The following UBAC2 variants were observed in gnomAD, a reference collection of about 807,000 sequenced individuals.
The protein encoded by UBAC2 is UBA domain containing 2.
Under a neutral mutation model 44.0 loss-of-function variants are expected in UBAC2, and 26 were observed. That is an observed-to-expected ratio of 0.59 (90% CI 0.43 to 0.82). The LOEUF (loss-of-function observed/expected upper bound fraction) is 0.82. Ranked by LOEUF, UBAC2 falls within the 40% of genes least tolerant of loss-of-function variation. The pLI is 0.00. For synonymous variants in UBAC2, 155 were observed against 154.3 expected (o/e 1.00, Z -0.04); for missense variants, 329 against 419.4 (o/e 0.78, Z 1.88).
intron 4 of UBAC2, among the ~76,000 whole-genome samples, chr13:99,265,015 A>G (rs2043723275): frequency 1.4e-5 from 2 of 146,408 alleles, no homozygotes. Flanking sequence ...GTTTTTTACC[A>G]TATTTTAAAT....
chr13:99,325,961 T>A (rs1047049070), intron 6 of UBAC2, among the ~76,000 whole-genome samples: 1 of 152,216 alleles, frequency 6.6e-6, no homozygotes, highest in Non-Finnish European at 1.5e-5. Flanking sequence ...CTTAGGTTGT[T>A]TCCCCATGTT....
At chr13:99,253,578 A>G (rs1306782954) in intron 4 of UBAC2, among the ~76,000 whole-genome samples, 1 of 152,114 alleles carries the variant, frequency 6.6e-6, no homozygotes, top group Non-Finnish European at 1.5e-5. Context: ...CAATGGCGCA[A>G]TCTCGGCTCA....
intron 7 of UBAC2, among the ~76,000 whole-genome samples, chr13:99,366,994 A>G (rs2045339777): frequency 6.6e-6 from 1 of 152,256 alleles, no homozygotes; most frequent in Non-Finnish European, 1.5e-5. Context: ...ACTTCTAGAA[A>G]TAGAGATTTA....
At chr13:99,226,106 C>T (rs1160772891) in intron 1 of UBAC2, among the ~76,000 whole-genome samples, 1 of 152,212 alleles carries the variant, frequency 6.6e-6, no homozygotes, top group Non-Finnish European at 1.5e-5. Flanking sequence ...TCTGACCCCA[C>T]TGTGAGCTGG....
intron 4 of UBAC2, among the ~76,000 whole-genome samples, chr13:99,270,607 G>A (rs894107788): frequency 6.6e-6 from 1 of 152,200 alleles, no homozygotes; most frequent in African/African-American, 2.4e-5. Flanking sequence ...AGTAAGTAGG[G>A]AACGAGAGTT....
chr13:99,306,700 C>T (rs965267884), intron 4 of UBAC2, among the ~76,000 whole-genome samples: 3 of 152,078 alleles, frequency 2.0e-5, no homozygotes, highest in South Asian at 2.1e-4. Context: ...AGAAAAGATA[C>T]GTTTAGTCTA....
At chr13:99,225,888 T>C (rs2043105125) in intron 1 of UBAC2, among the ~76,000 whole-genome samples, 1 of 152,242 alleles carries the variant, frequency 6.6e-6, no homozygotes, top group South Asian at 2.1e-4. Flanking sequence ...TGGCAGCGTT[T>C]ATTTTTTAGT....
chr13:99,342,344 G>A (rs951136740), intron 7 of UBAC2, among the ~76,000 whole-genome samples: 1 of 152,134 alleles, frequency 6.6e-6, no homozygotes, highest in African/African-American at 2.4e-5. Context: ...CAGTCACATC[G>A]TAGGGTTAGG....
At chr13:99,384,065 G>A (rs2045587097) in intron 8 of UBAC2, among the ~76,000 whole-genome samples, 1 of 152,172 alleles carries the variant, frequency 6.6e-6, no homozygotes, top group Non-Finnish European at 1.5e-5. Context: ...CCCTCCTCCA[G>A]CCACCCCATG....
At chr13:99,362,005 C>T (rs1003006881) in intron 7 of UBAC2, among the ~76,000 whole-genome samples, 29 of 151,984 alleles carry the variant, frequency 1.9e-4, no homozygotes, top group Admixed American at 1.5e-3. Flanking sequence ...AGACCCTCAT[C>T]CCCAAAAAAA....
intron 1 of UBAC2, among the ~76,000 whole-genome samples, chr13:99,228,319 G>A (rs2043134189): frequency 1.3e-5 from 2 of 149,902 alleles, no homozygotes; most frequent in South Asian, 4.2e-4. Context: ...ACGGAATCTC[G>A]CTTTGTTGCC....
chr13:99,332,193 G>A lies in UBAC2; in HGVS notation c.562-8127G>A, dbSNP rs987377989. Among the ~76,000 whole-genome samples, 17 of 152,138 alleles carry A rather than the reference G, an allele frequency of 1.1e-4. 1 individual carries two copies. The highest frequency in any genetic ancestry group is 7.2e-5 in the African/African-American group (3 of 41,438). On this transcript the variant is annotated intron_variant, in intron 6 of 8. Coordinates refer to ENST00000403766, the MANE Select transcript of UBAC2 (RefSeq NM_001144072.2). ...CCACAGTTGGCCAAAGAAAGCAATC[G>A]ACACCTGTGTGTCATTGCAAAGTCA... is the stretch of plus-strand genomic sequence containing the variant.
intron 4 of UBAC2, among the ~76,000 whole-genome samples, chr13:99,305,886 C>CATTTACTT (rs1555328222): frequency 4.6e-5 from 7 of 151,510 alleles, no homozygotes; most frequent in Admixed American, 3.9e-4. Context: ...GACTCAGGGC[C>CATTTACTT]ATTTATTTAT....
At chr13:99,327,744 A>G (rs1272852529) in intron 6 of UBAC2, among the ~76,000 whole-genome samples, 1 of 152,236 alleles carries the variant, frequency 6.6e-6, no homozygotes, top group Non-Finnish European at 1.5e-5. Context: ...TTGTTCTGCT[A>G]AAATCCTACC....
At chr13:99,211,390 C>T (rs2042935631) in intron 1 of UBAC2, among the ~76,000 whole-genome samples, 1 of 152,186 alleles carries the variant, frequency 6.6e-6, no homozygotes, top group South Asian at 2.1e-4. Context: ...GGCAATATGA[C>T]TTGTTAAGTG....
intron 4 of UBAC2, among the ~76,000 whole-genome samples, chr13:99,286,812 T>C (rs1050655594): frequency 2.0e-5 from 3 of 152,204 alleles, no homozygotes; most frequent in African/African-American, 7.2e-5. Context: ...CTGCTGAGAC[T>C]CCCCTCACAT....
intron 1 of UBAC2, among the ~76,000 whole-genome samples, chr13:99,223,150 CAA>C (rs921239685): frequency 6.6e-6 from 1 of 151,036 alleles, no homozygotes; most frequent in Non-Finnish European, 1.5e-5. Flanking sequence ...CATTCCCTTT[CAA>C]AAAAAAATTT....
In UBAC2 at chr13:99,309,119, C is replaced by CTT. The variant is rs796877414; in HGVS notation, c.390-4967_390-4966dup. On this transcript the variant is annotated intron_variant, in intron 4 of 8. Transcript: ENST00000403766. ...AAACTGGATCTGTCCTCCCAACCTT[C>CTT]TTTTTTTTTTTTGAGACAGAGTCTC... 7.5e-5 allele frequency among the ~76,000 whole-genome samples: 11 copies of CTT among 145,970 alleles called. No individual in the cohort carries two copies. In the South Asian group the frequency reaches 1.9e-3, roughly 26 times the overall value.
intron 1 of UBAC2, among the ~76,000 whole-genome samples, chr13:99,226,892 A>G (rs1257408060): frequency 6.6e-6 from 1 of 152,184 alleles, no homozygotes; most frequent in Non-Finnish European, 1.5e-5. Flanking sequence ...TTCCCTAACC[A>G]GGTTGGATAA....
Sources: allele counts gnomAD v4.1 joint callset (sites outside exome capture counted in the v4.1 genomes callset), GRCh38; gene constraint gnomAD v4.1.1; transcripts MANE v1.5; gene names NCBI Gene and HGNC (gene_info 2026-07-23, HGNC 2026-07-21).